The following ACOT1 variants were observed in gnomAD, a reference collection of about 807,000 sequenced individuals.
The protein encoded by ACOT1 is acyl-CoA thioesterase 1.
Under a neutral mutation model 15.7 loss-of-function variants are expected in ACOT1, and 8 were observed. The observed-to-expected ratio is 0.51, with a 90% confidence interval of 0.30 to 0.92. The LOEUF (loss-of-function observed/expected upper bound fraction) is 0.92. Among genes scored for constraint, ACOT1 ranks in the 40% least tolerant of loss-of-function variants. ACOT1 has a pLI of 0.06. For synonymous variants in ACOT1, 67 were observed against 241.2 expected (o/e 0.28, Z 6.69); for missense variants, 151 against 539.4 (o/e 0.28, Z 7.13).
the ACOT1 span, among the ~76,000 whole-genome samples, chr14:73,511,012 T>C: frequency 6.6e-6 from 1 of 152,208 alleles, no homozygotes; most frequent in African/African-American, 2.4e-5. Flanking sequence ...ATTTATATCA[T>C]AACCAATGTT....
At chr14:73,529,920 G>A in the ACOT1 span, among the ~76,000 whole-genome samples, 5 of 148,240 alleles carry the variant, frequency 3.4e-5, no homozygotes, top group Non-Finnish European at 7.4e-5. Flanking sequence ...GTCCAAGAGT[G>A]TGCAGTCAGC....
the ACOT1 span, among the ~76,000 whole-genome samples, chr14:73,517,679 A>G: frequency 4.1e-4 from 62 of 149,816 alleles, 3 homozygotes; most frequent in South Asian, 9.7e-3. Context: ...AAAAAAAAAA[A>G]AAGAAGAAGA....
At chr14:73,531,222 T>C in the ACOT1 span, 2 of 112,916 alleles carry the variant, frequency 1.8e-5, 1 homozygote, top group Admixed American at 2.0e-4. Context: ...CCTTGGTTTC[T>C]TAGGTTCCAA....
chr14:73,535,771 G>A (rs1232733455), upstream of ACOT1, among the ~76,000 whole-genome samples: 4 of 114,338 alleles, frequency 3.5e-5, 1 homozygote, highest in African/African-American at 1.1e-4. Context: ...GAGCCACCGC[G>A]CCTGGCCCCT....
chr14:73,498,212 C>T, the ACOT1 span: 118 of 1,614,032 alleles, frequency 7.3e-5, no homozygotes, highest in Middle Eastern at 5.0e-4. Context: ...GTCCCTGACC[C>T]GGTCCCCTTG....
intron 1 of ACOT1, among the ~76,000 whole-genome samples, chr14:73,538,319 A>G (rs1888945827): frequency 8.7e-6 from 1 of 114,502 alleles, no homozygotes. Flanking sequence ...GCTCAGTTAA[A>G]AGACATTGTA....
At chr14:73,517,691 AAG>A in the ACOT1 span, among the ~76,000 whole-genome samples, 1 of 150,540 alleles carries the variant, frequency 6.6e-6, no homozygotes, top group Non-Finnish European at 1.5e-5. Flanking sequence ...AGAAGAAGAA[AAG>A]AGAGAGAGGG....
chr14:73,537,541 C>T lies in ACOT1; in HGVS notation c.120C>T (p.Asp40=). The stretch of plus-strand genomic sequence containing the variant: ...TCACGCTGCGCGCGTCCCTGCGCGA[C>T]GAGAAGGGCGCGCTTTTCCAGGCCC... ...QPVTLRASLR[D]EKGALFQAHA... The change falls in exon 1 of 3, where the codon GAC becomes GAT. Residue 40 remains aspartate, a synonymous_variant. Transcript: ENST00000311148. The T allele has an allele frequency of 8.2e-7, 1 of 1,212,332 alleles. No individual in the cohort carries two copies. The highest frequency in any genetic ancestry group is 1.1e-6 in the Non-Finnish European group (1 of 922,812). 75.1% of individuals were successfully genotyped at this position (1,212,332 alleles called of 1,614,324 possible). A position where few individuals can be genotyped will look rare whatever the true frequency, so the allele number is the denominator to read the frequency against.
chr14:73,507,083 G>A, the ACOT1 span, among the ~76,000 whole-genome samples: 14 of 152,150 alleles, frequency 9.2e-5, 2 homozygotes, highest in South Asian at 4.1e-4. Context: ...GATTACAGGC[G>A]TGAGCCACCG....
chr14:73,518,459 C>T, the ACOT1 span, among the ~76,000 whole-genome samples: 2 of 151,738 alleles, frequency 1.3e-5, no homozygotes, highest in African/African-American at 4.8e-5. Context: ...AGTTTCTGCA[C>T]ACCACTGGGC....
chr14:73,498,229 C>T, the ACOT1 span: 2 of 1,614,106 alleles, frequency 1.2e-6, no homozygotes, highest in Non-Finnish European at 1.7e-6. Context: ...CTTGAAGTTT[C>T]AGGGCTAGGA....
chr14:73,507,933 T>G, the ACOT1 span, among the ~76,000 whole-genome samples: 2 of 152,104 alleles, frequency 1.3e-5, no homozygotes, highest in Non-Finnish European at 2.9e-5. Context: ...TTAGTAGAGA[T>G]GAGGTTTCAC....
chr14:73,514,199 C>T, the ACOT1 span: 7 of 1,614,196 alleles, frequency 4.3e-6, no homozygotes, highest in Non-Finnish European at 5.9e-6. Flanking sequence ...GTGGGCAAAG[C>T]AGTCCAGCGC....
the ACOT1 span, chr14:73,506,614 T>A: frequency 7.1e-7 from 1 of 1,405,348 alleles, no homozygotes; most frequent in Non-Finnish European, 1.0e-6. Flanking sequence ...CAATCACTTT[T>A]AGAGATACTA....
At chr14:73,493,293 C>T in the ACOT1 span, 6 of 589,524 alleles carry the variant, frequency 1.0e-5, no homozygotes, top group Non-Finnish European at 1.5e-5. Context: ...TTGGATCTTT[C>T]ATCTGAGTTC....
chr14:73,499,748 G>A, the ACOT1 span, among the ~76,000 whole-genome samples: 1 of 152,052 alleles, frequency 6.6e-6, no homozygotes, highest in East Asian at 1.9e-4. Flanking sequence ...CTCCATTTAT[G>A]GGAGTTGATC....
upstream of ACOT1, among the ~76,000 whole-genome samples, chr14:73,536,509 G>A (rs1888866822): frequency 1.5e-5 from 1 of 67,746 alleles, no homozygotes; most frequent in African/African-American, 5.5e-5. Context: ...GTGAGACCCT[G>A]TCTCTTTAAA....
At chr14:73,499,534 A>G in the ACOT1 span, among the ~76,000 whole-genome samples, 3 of 152,140 alleles carry the variant, frequency 2.0e-5, no homozygotes, top group Non-Finnish European at 4.4e-5. Context: ...CAGGGAAACC[A>G]CTTATCTCTA....
the ACOT1 span, chr14:73,508,255 G>A: frequency 6.2e-7 from 1 of 1,614,022 alleles, no homozygotes; most frequent in East Asian, 2.2e-5. Context: ...ACCTTCCAGA[G>A]CCAAGCACTG....
Sources: allele counts gnomAD v4.1 joint callset (sites outside exome capture counted in the v4.1 genomes callset), GRCh38; gene constraint gnomAD v4.1.1; transcripts MANE v1.5; gene names NCBI Gene and HGNC (gene_info 2026-07-23, HGNC 2026-07-21).